FAT3: variants seen among roughly 807,000 people sequenced by gnomAD.
FAT3 encodes protocadherin Fat 3.
FAT3 carries 95 observed loss-of-function variants against 310.2 expected under a neutral mutation model. The observed-to-expected ratio is 0.31, with a 90% CI of 0.26 to 0.36. The LOEUF (loss-of-function observed/expected upper bound fraction) is 0.36. Ranked by LOEUF, FAT3 falls within the 10% of genes least tolerant of loss-of-function variation. FAT3 has a pLI of 1.00. For synonymous variants in FAT3, 2,314 were observed against 2,192.9 expected (o/e 1.06, Z -1.54); for missense variants, 5,408 against 5,715.6 (o/e 0.95, Z 1.74).
intron 21 of FAT3, among the ~76,000 whole-genome samples, chr11:92,862,137 G>T (rs1949134043): frequency 6.6e-6 from 1 of 152,198 alleles, no homozygotes; most frequent in African/African-American, 2.4e-5. Context: ...ACAAGGTTAA[G>T]AGCCAACCAG....
chr11:92,554,546 A>C (rs1954949228), intron 3 of FAT3, among the ~76,000 whole-genome samples: 3 of 147,594 alleles, frequency 2.0e-5, no homozygotes, highest in African/African-American at 7.5e-5. Flanking sequence ...AGCCATTACT[A>C]GAGGGGATAC....
At chr11:92,741,393 C>T (rs1007788220) in intron 4 of FAT3, among the ~76,000 whole-genome samples, 1 of 152,154 alleles carries the variant, frequency 6.6e-6, no homozygotes, top group Non-Finnish European at 1.5e-5. Flanking sequence ...GGTTATAATA[C>T]AGGTGCATAA....
chr11:92,798,240 G>C lies in FAT3; in HGVS notation c.5227G>C (p.Ala1743Pro). 1 of 1,613,836 alleles carries C rather than the reference G, an allele frequency of 6.2e-7. No homozygotes were observed. The highest frequency in any genetic ancestry group is 8.5e-7 in the Non-Finnish European group (1 of 1,179,844). ...RTSSYQLIIQ[A>P]TNMAGMASNA... Reference sequence around the variant, plus strand: ...ATCCTCTTATCAACTCATCATTCAGGCCACCAATATGGCAGGAATGGCTTC... The same window carrying C: ...ATCCTCTTATCAACTCATCATTCAGCCCACCAATATGGCAGGAATGGCTTC... Residue 1743 changes from alanine to proline, a missense_variant, in exon 10 of 28, where the codon GCC becomes CCC. Ala to Pro is a conservative substitution (Grantham distance 27). Transcript: ENST00000525166.
intron 9 of FAT3, among the ~76,000 whole-genome samples, chr11:92,794,832 A>G (rs1350079098): frequency 2.0e-5 from 3 of 152,246 alleles, no homozygotes; most frequent in Non-Finnish European, 2.9e-5. Context: ...CTCTTCACAG[A>G]CAGACAGACA....
intron 1 of FAT3, among the ~76,000 whole-genome samples, chr11:92,233,184 G>A (rs1218186162): frequency 6.6e-6 from 1 of 152,192 alleles, no homozygotes; most frequent in Non-Finnish European, 1.5e-5. Flanking sequence ...AGTCCTTGAG[G>A]ATTTTTCATT....
intron 1 of FAT3, among the ~76,000 whole-genome samples, chr11:92,320,394 T>C (rs1427892390): frequency 6.6e-6 from 1 of 151,454 alleles, no homozygotes; most frequent in East Asian, 1.9e-4. Flanking sequence ...ACTAACAGTT[T>C]GGAAATGCTG....
intron 2 of FAT3, among the ~76,000 whole-genome samples, chr11:92,411,132 T>C (rs1194453283): frequency 9.1e-6 from 1 of 110,442 alleles, no homozygotes; most frequent in East Asian, 2.8e-4. Context: ...TTATATATTA[T>C]ATATTATATA....
intron 6 of FAT3, among the ~76,000 whole-genome samples, chr11:92,770,749 G>T (rs567519604): frequency 6.6e-6 from 1 of 152,172 alleles, no homozygotes; most frequent in Non-Finnish European, 1.5e-5. Context: ...GTGTCTTTAC[G>T]GAGGGACAGA....
intron 2 of FAT3, among the ~76,000 whole-genome samples, chr11:92,429,269 G>A (rs778947964): frequency 7.2e-5 from 11 of 152,022 alleles, no homozygotes; most frequent in Non-Finnish European, 1.6e-4. Context: ...GAGCTTATGT[G>A]TGTCTTTGCA....
At chr11:92,869,170 A>G (rs1269944768) in intron 22 of FAT3, among the ~76,000 whole-genome samples, 1 of 143,096 alleles carries the variant, frequency 7.0e-6, no homozygotes. Context: ...TCCTAAAATG[A>G]AGATGGTATC....
intron 3 of FAT3, among the ~76,000 whole-genome samples, chr11:92,641,187 C>T (rs1474478402): frequency 6.6e-6 from 1 of 152,060 alleles, no homozygotes; most frequent in East Asian, 1.9e-4. Context: ...AGAGAGAGAC[C>T]CTGTCCCCTA....
chr11:92,377,489 C>A (rs1949378301), intron 2 of FAT3, among the ~76,000 whole-genome samples: 1 of 152,172 alleles, frequency 6.6e-6, no homozygotes, highest in African/African-American at 2.4e-5. Context: ...AGCTGATATT[C>A]CTACTATAAG....
chr11:92,665,792 A>AT (rs1437588141), intron 3 of FAT3, among the ~76,000 whole-genome samples: 1 of 152,176 alleles, frequency 6.6e-6, no homozygotes, highest in Non-Finnish European at 1.5e-5. Context: ...TCATGTAGCC[A>AT]TGGTGTTACA....
intron 3 of FAT3, among the ~76,000 whole-genome samples, chr11:92,605,025 G>C (rs549276487): frequency 1.2e-4 from 18 of 152,332 alleles, no homozygotes; most frequent in African/African-American, 4.1e-4. Flanking sequence ...GACAGGTGCT[G>C]TTCTCAGTGT....
intron 7 of FAT3, among the ~76,000 whole-genome samples, chr11:92,780,720 G>C (rs374448422): frequency 2.0e-5 from 3 of 152,160 alleles, no homozygotes; most frequent in Non-Finnish European, 1.5e-5. Context: ...ACACTCTTAA[G>C]ATGGTGGCTT....
chr11:92,259,707 A>G (rs894510291), intron 1 of FAT3, among the ~76,000 whole-genome samples: 2 of 152,276 alleles, frequency 1.3e-5, no homozygotes, highest in East Asian at 1.9e-4. Context: ...GTAAATAATT[A>G]TATGGCTTCT....
intron 4 of FAT3, among the ~76,000 whole-genome samples, chr11:92,719,526 A>C (rs1191409538): frequency 9.0e-6 from 1 of 110,814 alleles, no homozygotes; most frequent in Admixed American, 8.8e-5. Flanking sequence ...TCATCTGTAG[A>C]TTACTGATAA....
Position 92,352,144 on chromosome 11 carries a change from C to G in FAT3, c.32C>G (p.Thr11Arg). 7.3e-7 allele frequency: 1 copy of G among 1,365,328 alleles called. No individual in the cohort carries two copies. The highest frequency in any genetic ancestry group is 9.8e-7 in the Non-Finnish European group (1 of 1,020,942). 84.6% of individuals were successfully genotyped at this position (1,365,328 alleles called of 1,614,324 possible). Reference sequence around the variant, plus strand: ...ATAATTATGGGACACTGTGTGGGCACACGGCCTCCTGCTTGTTGCCTCATC... The same window carrying G: ...ATAATTATGGGACACTGTGTGGGCAGACGGCCTCCTGCTTGTTGCCTCATC... MDIIMGHCVG[T>R]RPPACCLILL... Residue 11 changes from threonine to arginine, a missense_variant, in exon 2 of 28, where the codon ACA (threonine) becomes AGA (arginine). Coordinates refer to ENST00000525166, the MANE Select transcript of FAT3 (RefSeq NM_001367949.2).
In FAT3 at chr11:92,883,412, T is replaced by A. The variant is rs114859243; in HGVS notation, c.12937+19T>A. 2,427 of 1,582,348 alleles carry A rather than the reference T, an allele frequency of 1.5e-3. 39 individuals carry two copies. The African/African-American group carries it at 0.029, about 19-fold the overall frequency. On this transcript the variant is annotated intron_variant, in intron 24 of 27. Transcript: ENST00000525166. This position sits in a 1 kb window ranked among gnomAD's most constrained non-coding sequence, Gnocchi z 4.2. ...ACTGAGAGTGAGTAGGAAGTGGTAA[T>A]GCTCACCCCTCGGTGCTTACAGGGA... is the stretch of plus-strand genomic sequence containing the variant.
Sources: gnomAD v4.1 joint callset for allele counts (sites outside exome capture counted in the v4.1 genomes callset) on GRCh38, gnomAD v4.1.1 for gene constraint, Gnocchi (gnomAD v3.1) non-coding constraint, MANE v1.5 for transcripts, NCBI Gene and HGNC (gene_info 2026-07-23, HGNC 2026-07-21) for gene names.